The following CDH18 variants were observed in gnomAD, a reference collection of about 807,000 sequenced individuals.
The protein encoded by CDH18 is cadherin-18.
CDH18 carries 31 observed loss-of-function variants against 67.9 expected under a neutral mutation model. That is an observed-to-expected ratio of 0.46 (90% CI 0.34 to 0.62). CDH18 has a LOEUF of 0.62. Among genes scored for constraint, CDH18 ranks in the 20% least tolerant of loss-of-function variants. CDH18 has a pLI of 0.01. For missense variants in CDH18, 890 were observed against 975.5 expected (o/e 0.91, Z 1.17); for synonymous variants, 362 against 347.2 (o/e 1.04, Z -0.48).
At chr5:20,166,349 G>A (rs1438842485) in intron 2 of CDH18, among the ~76,000 whole-genome samples, 2 of 148,306 alleles carry the variant, frequency 1.3e-5, no homozygotes, top group African/African-American at 2.5e-5. Context: ...GCTGAGGCAG[G>A]AGAATCGCTT....
At chr5:20,364,965 G>A (rs541329417) in intron 1 of CDH18, among the ~76,000 whole-genome samples, 3 of 152,302 alleles carry the variant, frequency 2.0e-5, no homozygotes, top group South Asian at 2.1e-4. Context: ...ATTTATGTAA[G>A]TATCTGAATA....
At chr5:19,764,563 G>A (rs868608864) in intron 3 of CDH18, among the ~76,000 whole-genome samples, 2 of 151,518 alleles carry the variant, frequency 1.3e-5, no homozygotes, top group Non-Finnish European at 2.9e-5. Context: ...ATGCTTTAAT[G>A]ACTTAGTTCC....
At chr5:19,645,244 G>T (rs1166712976) in intron 5 of CDH18, among the ~76,000 whole-genome samples, 1 of 152,184 alleles carries the variant, frequency 6.6e-6, no homozygotes, top group East Asian at 1.9e-4. Flanking sequence ...GCAGTTATAG[G>T]AAAAGACATT....
intron 3 of CDH18, among the ~76,000 whole-genome samples, chr5:19,809,677 T>C (rs1778433152): frequency 1.3e-5 from 2 of 152,216 alleles, no homozygotes; most frequent in Non-Finnish European, 1.5e-5. Flanking sequence ...TTTTATATTT[T>C]AGTGTTGTTG....
chr5:20,246,118 G>A (rs2126572627), intron 2 of CDH18, among the ~76,000 whole-genome samples: 1 of 152,182 alleles, frequency 6.6e-6, no homozygotes, highest in African/African-American at 2.4e-5. Context: ...AAAGTAGTAG[G>A]ACCAAACAAC....
chr5:20,128,292 A>C (rs976456101), intron 2 of CDH18, among the ~76,000 whole-genome samples: 3 of 152,140 alleles, frequency 2.0e-5, no homozygotes, highest in Admixed American at 2.0e-4. Flanking sequence ...CTTTGAAAAC[A>C]ATACACAAAG....
At chr5:20,301,500 C>T (rs1203945443) in intron 1 of CDH18, among the ~76,000 whole-genome samples, 1 of 152,122 alleles carries the variant, frequency 6.6e-6, no homozygotes, top group African/African-American at 2.4e-5. Context: ...GAAAAGACCT[C>T]CCCATCATCT....
chr5:20,009,070 G>A (rs1461904716), intron 2 of CDH18, among the ~76,000 whole-genome samples: 2 of 151,994 alleles, frequency 1.3e-5, no homozygotes, highest in Non-Finnish European at 2.9e-5. Context: ...ATGGCAGTTC[G>A]GTCTAAAGAG....
At chr5:20,041,266 G>A (rs571846677) in intron 2 of CDH18, among the ~76,000 whole-genome samples, 50 of 152,108 alleles carry the variant, frequency 3.3e-4, no homozygotes, top group African/African-American at 1.1e-3. Flanking sequence ...TCATGGCATC[G>A]GGACATCAAA....
intron 2 of CDH18, among the ~76,000 whole-genome samples, chr5:20,003,771 G>C (rs941046303): frequency 1.3e-5 from 2 of 152,036 alleles, no homozygotes; most frequent in African/African-American, 2.4e-5. Context: ...GGTGGCGGGC[G>C]CCTGTAGTCC....
At chr5:19,938,326 C>T (rs1488914790) in intron 2 of CDH18, among the ~76,000 whole-genome samples, 4 of 151,112 alleles carry the variant, frequency 2.6e-5, no homozygotes, top group Non-Finnish European at 5.9e-5. Context: ...CTTCAGACTT[C>T]CTGACTGAAA....
intron 1 of CDH18, chr5:20,305,175 G>C: frequency 7.0e-7 from 1 of 1,429,134 alleles, no homozygotes; most frequent in Non-Finnish European, 9.9e-7. Context: ...CGCTGGTTAT[G>C]TTGTTTCCAT....
At chr5:20,413,431 G>T (rs1746973009) in intron 1 of CDH18, among the ~76,000 whole-genome samples, 1 of 152,168 alleles carries the variant, frequency 6.6e-6, no homozygotes, top group South Asian at 2.1e-4. Flanking sequence ...CCCACCAACA[G>T]TGTAAAAGCA....
At chr5:19,554,122 G>A (rs1737955838) in intron 8 of CDH18, among the ~76,000 whole-genome samples, 1 of 152,150 alleles carries the variant, frequency 6.6e-6, no homozygotes, top group African/African-American at 2.4e-5. Flanking sequence ...GTGCTTATGT[G>A]CTTAATAGGA....
At chr5:20,180,192 C>G (rs1737573130) in intron 2 of CDH18, among the ~76,000 whole-genome samples, 1 of 152,084 alleles carries the variant, frequency 6.6e-6, no homozygotes, top group Non-Finnish European at 1.5e-5. Flanking sequence ...ATGTTCATAG[C>G]TCTGGGAATG....
At chr5:19,591,304 G>T in intron 6 of CDH18, 60 bp from the exon 7 acceptor site, 1 of 1,199,284 alleles carries the variant, frequency 8.3e-7, no homozygotes, top group Non-Finnish European at 1.1e-6. Flanking sequence ...AATCTTACAA[G>T]AAAAAATAAA....
At chr5:19,883,204 T>C (rs1353051518) in intron 2 of CDH18, among the ~76,000 whole-genome samples, 1 of 152,166 alleles carries the variant, frequency 6.6e-6, no homozygotes, top group Non-Finnish European at 1.5e-5. Context: ...TTCAGATGAT[T>C]CTTATGACAC....
intron 2 of CDH18, among the ~76,000 whole-genome samples, chr5:20,069,727 A>G (rs564483610): frequency 9.9e-5 from 15 of 152,158 alleles, no homozygotes; most frequent in African/African-American, 3.4e-4. Context: ...AGAATTTTTA[A>G]AAGATTTTAT....
chr5:20,162,261 T>A (rs1735947483), intron 2 of CDH18, among the ~76,000 whole-genome samples: 1 of 152,024 alleles, frequency 6.6e-6, no homozygotes, highest in African/African-American at 2.4e-5. Context: ...TGATTCCTTG[T>A]TTTCTTGCCA....
Sources: allele counts gnomAD v4.1 joint callset (sites outside exome capture counted in the v4.1 genomes callset), GRCh38; gene constraint gnomAD v4.1.1; transcripts MANE v1.5; gene names NCBI Gene and HGNC (gene_info 2026-07-23, HGNC 2026-07-21).